The following EBF3 variants were observed in gnomAD, a reference collection of about 807,000 sequenced individuals.
The protein encoded by EBF3 is transcription factor COE3.
In EBF3, 18 loss-of-function variants were observed where a neutral mutation model predicts 77.1. That is an observed-to-expected ratio of 0.23 (90% CI 0.16 to 0.35). EBF3 has a LOEUF of 0.35. Ranked by LOEUF, EBF3 falls within the 10% of genes least tolerant of loss-of-function variation. EBF3 has a pLI of 1.00. For missense variants in EBF3, 558 were observed against 860.0 expected (o/e 0.65, Z 4.39); for synonymous variants, 350 against 343.5 (o/e 1.02, Z -0.21).
Position 129,841,051 on chromosome 10 carries a change from C to CCCG in EBF3, c.1373-20_1373-19insCGG, listed in dbSNP as rs10674137. On this transcript the variant is annotated intron_variant, in intron 13 of 16. Transcript: ENST00000440978. The surrounding 1 kb of genome is among the most constrained non-coding windows in gnomAD (Gnocchi z 4.6). ...TAGCCGACTGTTGAAATCCCCCCCC[C>CCCG]GGCCAAAAATAACATTATTATCAGC... 8 of 1,603,878 alleles carry CCCG rather than the reference C, an allele frequency of 5.0e-6. No individual in the cohort carries two copies. The highest frequency in any genetic ancestry group is 1.7e-5 in the Admixed American group (1 of 59,534).
rs1852132485 is a variant in EBF3 at position 129,867,823 on chromosome 10, C to T, written c.871G>A (p.Gly291Arg). The T allele has an allele frequency of 6.2e-7, 1 of 1,614,136 alleles. No homozygotes were observed. The change falls in exon 9 of 17, where the codon GGG (glycine) becomes AGG (arginine). Residue 291 changes from glycine (G) to arginine (R), a missense_variant. Around this residue, in one of 5 missense-constraint regions of EBF3, gnomAD observed 112 missense variants for 207.7 expected, o/e 0.54. Transcript: ENST00000440978. ...ATAGTTCCGAATACAACTTGCAGCC[C>T]GTCAAAGAAGTTGTCGCCAATTATG... Reference protein sequence around the residue: ...VIIIGDNFFDGLQVVFGTMLV... With the variant: ...VIIIGDNFFDRLQVVFGTMLV...
chr10:129,908,653 C>T (rs934398451), intron 6 of EBF3, among the ~76,000 whole-genome samples: 1 of 152,228 alleles, frequency 6.6e-6, no homozygotes, highest in Non-Finnish European at 1.5e-5. Flanking sequence ...TGATAAGCCG[C>T]GTTGCAGTTC....
At chr10:129,867,727 A>G in intron 9 of EBF3, 55 bp downstream of exon 9, 1 of 1,604,460 alleles carries the variant, frequency 6.2e-7, no homozygotes, top group East Asian at 2.2e-5. Context: ...ACAGCTTGTC[A>G]AATCCATTCA....
chr10:129,896,390 C>G (rs1441458744), intron 6 of EBF3, among the ~76,000 whole-genome samples: 1 of 152,258 alleles, frequency 6.6e-6, no homozygotes, highest in Non-Finnish European at 1.5e-5. Flanking sequence ...AGCCAAGCAA[C>G]AAGACATAAC....
chr10:129,877,107 A>G (rs932004276), intron 7 of EBF3, among the ~76,000 whole-genome samples: 4 of 152,118 alleles, frequency 2.6e-5, no homozygotes, highest in Non-Finnish European at 4.4e-5. Context: ...AGATCCCTCT[A>G]TGAGGAGGAT....
rs369511450 is a variant in EBF3 at position 129,848,486 on chromosome 10, AC to A, written c.1040-7del. On this transcript the variant is annotated splice_region_variant and splice_polypyrimidine_tract_variant and intron_variant, in intron 10 of 16. Coordinates refer to ENST00000440978, the MANE Select transcript of EBF3 (RefSeq NM_001375380.1). This position sits in a 1 kb window ranked among gnomAD's most constrained non-coding sequence, Gnocchi z 4.4. ...TATGGTTGGTTCATTAAGGGCTGCAACAGGACACAGAAATGTAGATCAGGTT... is the reference window on the plus strand; with the variant it reads ...TATGGTTGGTTCATTAAGGGCTGCAAAGGACACAGAAATGTAGATCAGGTT... The A allele has an allele frequency of 2.0e-4, 320 of 1,614,160 alleles. No individual in the cohort carries two copies. In the African/African-American group the frequency reaches 3.8e-3, roughly 19 times the overall value.
Position 129,941,988 on chromosome 10 carries a change from A to G in EBF3, c.554+15270T>C, listed in dbSNP as rs548377595. ...CACGAGGACTTGGCAGTTCCTTGGGAATGGAGCCCCCCCACCCCATTTAAA... is the reference window on the plus strand; with the variant it reads ...CACGAGGACTTGGCAGTTCCTTGGGGATGGAGCCCCCCCACCCCATTTAAA... On this transcript the variant is annotated intron_variant, in intron 6 of 16. Transcript: ENST00000440978. Among the ~76,000 whole-genome samples, 91 of 152,194 alleles carry G rather than the reference A, an allele frequency of 6.0e-4. 1 individual carries two copies. In the South Asian group the frequency reaches 7.1e-3, roughly 12 times the overall value.
Position 129,848,492 on chromosome 10 carries a change from C to T in EBF3, c.1040-12G>A, listed in dbSNP as rs780417102. 2.5e-6 allele frequency: 4 copies of T among 1,613,752 alleles called. No individual in the cohort carries two copies. The stretch of plus-strand genomic sequence containing the variant: ...TGGTTCATTAAGGGCTGCAACAGGA[C>T]ACAGAAATGTAGATCAGGTTAATTA... On this transcript the variant is annotated splice_polypyrimidine_tract_variant and intron_variant, in intron 10 of 16. Coordinates refer to ENST00000440978, the MANE Select transcript of EBF3 (RefSeq NM_001375380.1). The surrounding 1 kb of genome is among the most constrained non-coding windows in gnomAD (Gnocchi z 4.4).
intron 12 of EBF3, 32 bp downstream of exon 12, chr10:129,843,103 GGA>G: frequency 6.2e-7 from 1 of 1,604,888 alleles, no homozygotes; most frequent in South Asian, 1.1e-5. Context: ...GGCATGGGGG[GGA>G]GGATGGGCGA....
chr10:129,933,051 A>G (rs189518907), intron 6 of EBF3, among the ~76,000 whole-genome samples: 132 of 152,324 alleles, frequency 8.7e-4, no homozygotes, highest in African/African-American at 3.1e-3. Context: ...TATCATAAAT[A>G]TAGAGAAAGT....
In EBF3 at chr10:129,848,594, G is replaced by A. The variant is rs1300730845; in HGVS notation, c.1040-114C>T. The A allele has an allele frequency of 9.0e-7, 1 of 1,105,692 alleles. No homozygotes were observed. Among genetic ancestry groups the A allele is most frequent in the Non-Finnish European group, 1.4e-6 (1 of 723,672 alleles). 68.5% of individuals were successfully genotyped at this position (1,105,692 alleles called of 1,614,324 possible). A position where few individuals can be genotyped will look rare whatever the true frequency, so the allele number is the denominator to read the frequency against. The stretch of plus-strand genomic sequence containing the variant: ...GTTCTCCTGCTCTGATGCTCTCTAA[G>A]GCAAGCACCCCTGAATACTAGCTGT... On this transcript the variant is annotated intron_variant, in intron 10 of 16. Transcript: ENST00000440978. This position sits in a 1 kb window ranked among gnomAD's most constrained non-coding sequence, Gnocchi z 4.4.
intron 6 of EBF3, among the ~76,000 whole-genome samples, chr10:129,905,248 C>G (rs1489450949): frequency 6.6e-6 from 1 of 152,194 alleles, no homozygotes; most frequent in East Asian, 1.9e-4. Context: ...CAGGTGGCAA[C>G]TAGGCATGTG....
intron 6 of EBF3, among the ~76,000 whole-genome samples, chr10:129,882,505 T>G (rs1853277238): frequency 6.6e-6 from 1 of 152,258 alleles, no homozygotes; most frequent in African/African-American, 2.4e-5. Flanking sequence ...TAATCAGCGG[T>G]CCTGACAGGC....
intron 11 of EBF3, chr10:129,843,492 C>T: frequency 2.7e-6 from 1 of 369,388 alleles, no homozygotes; most frequent in East Asian, 4.3e-5. Context: ...GGAGAACGAG[C>T]CCAATCCGTG....
At chr10:129,896,217 T>C (rs191148807) in intron 6 of EBF3, among the ~76,000 whole-genome samples, 37 of 152,278 alleles carry the variant, frequency 2.4e-4, no homozygotes, top group Non-Finnish European at 4.7e-4. Context: ...TGAAAGAGCA[T>C]GTGTATCGTC....
chr10:129,850,949 C>A (rs951071051), intron 10 of EBF3, among the ~76,000 whole-genome samples: 8 of 152,328 alleles, frequency 5.3e-5, no homozygotes, highest in African/African-American at 1.9e-4. Context: ...GCCCTCCGCA[C>A]GCAGAGTTTA....
Position 129,837,941 on chromosome 10 carries a change from G to C in EBF3, c.*2C>G. On this transcript the variant is annotated 3_prime_UTR_variant, in exon 17 of 17. Transcript: ENST00000440978. ...AAACAGAAGTCCCTCACATTGGCGG[G>C]ACTACCAGCCCAGACATAGCTGCAA... 1 of 1,614,096 alleles carries C rather than the reference G, an allele frequency of 6.2e-7. No individual in the cohort carries two copies. The highest frequency in any genetic ancestry group is 8.5e-7 in the Non-Finnish European group (1 of 1,180,014).
At chr10:129,891,955 G>A (rs535869518) in intron 6 of EBF3, among the ~76,000 whole-genome samples, 8 of 152,172 alleles carry the variant, frequency 5.3e-5, no homozygotes, top group Non-Finnish European at 7.3e-5. Context: ...GGCTAAACCC[G>A]TCCCAATCTC....
At chr10:129,906,222 A>G (rs2134267578) in intron 6 of EBF3, among the ~76,000 whole-genome samples, 1 of 152,356 alleles carries the variant, frequency 6.6e-6, no homozygotes, top group South Asian at 2.1e-4. Context: ...GCTCTGGAAG[A>G]ATAAATTTGT....
Sources: gnomAD v4.1 joint callset for allele counts (sites outside exome capture counted in the v4.1 genomes callset) on GRCh38, gnomAD v4.1.1 for gene constraint, gnomAD v4.1.1 regional missense constraint, Gnocchi (gnomAD v3.1) non-coding constraint, MANE v1.5 for transcripts, NCBI Gene and HGNC (gene_info 2026-07-23, HGNC 2026-07-21) for gene names.